Variants in COL19A1 observed in about 807,000 individuals in gnomAD.
COL19A1 encodes collagen alpha-1(XIX) chain.
A neutral mutation model predicts 190.2 loss-of-function variants in COL19A1; 159 were observed. The observed-to-expected ratio is 0.84, with a 90% confidence interval of 0.73 to 0.95. The LOEUF (loss-of-function observed/expected upper bound fraction) is 0.95. Ranked by LOEUF, COL19A1 falls within the 40% of genes least tolerant of loss-of-function variation. COL19A1 has a pLI of 0.00. For synonymous variants in COL19A1, 509 were observed against 458.9 expected (o/e 1.11, Z -1.39); for missense variants, 1,418 against 1,431.9 (o/e 0.99, Z 0.16).
intron 11 of COL19A1, among the ~76,000 whole-genome samples, chr6:70,010,230 A>C (rs1777903253): frequency 6.6e-6 from 1 of 152,216 alleles, no homozygotes; most frequent in Non-Finnish European, 1.5e-5. Context: ...TCCAATTTTT[A>C]AAATGAGTAT....
intron 9 of COL19A1, among the ~76,000 whole-genome samples, chr6:69,946,523 AT>A (rs1455617147): frequency 6.6e-6 from 1 of 151,954 alleles, no homozygotes; most frequent in East Asian, 1.9e-4. Flanking sequence ...GCACTTAGAT[AT>A]TTACGAATTA....
intron 2 of COL19A1, among the ~76,000 whole-genome samples, chr6:69,891,553 A>G (rs1769352481): frequency 6.6e-6 from 1 of 152,198 alleles, no homozygotes; most frequent in South Asian, 2.1e-4. Context: ...CGTGGGGTAC[A>G]TGAGGGAGAG....
chr6:70,181,221 G>A (rs1225470570), intron 44 of COL19A1, among the ~76,000 whole-genome samples: 1 of 152,166 alleles, frequency 6.6e-6, no homozygotes, highest in Non-Finnish European at 1.5e-5. Context: ...GAAAGAAGTC[G>A]AGGTGAACAA....
chr6:70,035,940 G>C lies in COL19A1; in HGVS notation c.1170+1G>C. 1 of 1,613,158 alleles carries C rather than the reference G, an allele frequency of 6.2e-7. No individual in the cohort carries two copies. The highest frequency in any genetic ancestry group is 8.5e-7 in the Non-Finnish European group (1 of 1,179,242). The stretch of plus-strand genomic sequence containing the variant: ...ACCCCCAGGACCACCAGCCTTACCT[G>C]TAAGTATTCTTGAAATCAAAATTCA... On this transcript the variant is annotated splice_donor_variant, in intron 14 of 50. Coordinates refer to ENST00000620364, the MANE Select transcript of COL19A1 (RefSeq NM_001858.6). LOFTEE classifies it high-confidence loss of function.
At chr6:69,898,223 C>A (rs1177368764) in intron 2 of COL19A1, among the ~76,000 whole-genome samples, 1 of 152,144 alleles carries the variant, frequency 6.6e-6, no homozygotes, top group Non-Finnish European at 1.5e-5. Context: ...TGGCACAATT[C>A]AAAAATTGGC....
intron 14 of COL19A1, among the ~76,000 whole-genome samples, chr6:70,053,457 A>G (rs1780321919): frequency 6.6e-6 from 1 of 152,198 alleles, no homozygotes; most frequent in Non-Finnish European, 1.5e-5. Flanking sequence ...TAGACTGGAA[A>G]GTGACACTGG....
intron 1 of COL19A1, among the ~76,000 whole-genome samples, chr6:69,872,785 ATGT>A (rs1027134172): frequency 6.6e-6 from 1 of 152,168 alleles, no homozygotes; most frequent in African/African-American, 2.4e-5. Flanking sequence ...GGCTCCATCA[ATGT>A]TGTCTACTCA....
rs1383742509 is a variant in COL19A1 at position 70,212,378 on chromosome 6, G to A, written c.*5104G>A. Among the ~76,000 whole-genome samples the A allele has an allele frequency of 5.3e-5, 8 of 152,162 alleles. No individual in the cohort carries two copies. Among genetic ancestry groups the A allele is most frequent in the African/African-American group, 1.9e-4 (8 of 41,446 alleles). ...ATTCAAAATCCCACATGGGCATAAT[G>A]CTTTGAGGCCTTGATTCCTACATGT... On this transcript the variant is annotated 3_prime_UTR_variant, in exon 51 of 51. Coordinates refer to ENST00000620364, the MANE Select transcript of COL19A1 (RefSeq NM_001858.6).
At chr6:69,989,441 A>C (rs965823648) in intron 11 of COL19A1, among the ~76,000 whole-genome samples, 3 of 152,120 alleles carry the variant, frequency 2.0e-5, no homozygotes, top group Non-Finnish European at 2.9e-5. Flanking sequence ...GTTCTAGAAT[A>C]ACGTCCCTCT....
chr6:70,206,031 C>A (rs978265092), intron 49 of COL19A1, among the ~76,000 whole-genome samples: 3 of 152,306 alleles, frequency 2.0e-5, no homozygotes, highest in Middle Eastern at 6.8e-3. Context: ...ATCATTTGAA[C>A]ACAGACCTGA....
intron 31 of COL19A1, 57 bp downstream of exon 31, chr6:70,151,495 A>G: frequency 1.3e-6 from 2 of 1,554,884 alleles, no homozygotes; most frequent in South Asian, 1.2e-5. Context: ...ATTAGAAAGA[A>G]AAATATTTAG....
chr6:69,942,947 C>G (rs1191235418), intron 9 of COL19A1, among the ~76,000 whole-genome samples: 1 of 151,988 alleles, frequency 6.6e-6, no homozygotes, highest in African/African-American at 2.4e-5. Flanking sequence ...CATGGTAGTT[C>G]CATTTTTAGT....
intron 15 of COL19A1, among the ~76,000 whole-genome samples, chr6:70,090,441 G>T (rs1189946079): frequency 6.6e-6 from 1 of 151,822 alleles, no homozygotes; most frequent in Non-Finnish European, 1.5e-5. Flanking sequence ...TATATGAGAG[G>T]GTGTGTGTAG....
chr6:70,080,801 T>A (rs958621770), intron 15 of COL19A1, among the ~76,000 whole-genome samples: 1 of 152,232 alleles, frequency 6.6e-6, no homozygotes. Context: ...GGGACTGGCT[T>A]ACCATATGAA....
rs151153446 is a variant in COL19A1 at position 69,929,516 on chromosome 6, G to A, written c.482G>A (p.Arg161Gln). 1,302 of 1,613,962 alleles carry A rather than the reference G, an allele frequency of 8.1e-4. 2 individuals are homozygous for A. Among genetic ancestry groups the A allele is most frequent in the Non-Finnish European group, 9.2e-4 (1,087 of 1,179,952 alleles). The change falls in exon 6 of 51, where the codon CGA becomes CAA. Residue 161 changes from arginine to glutamine, a missense_variant. Physicochemically the swap from Arg to Gln is conservative, Grantham distance 43. Transcript: ENST00000620364. ...GDVLNYIFRNRELRPLFDRQW... is the reference protein window; with the variant it reads ...GDVLNYIFRNQELRPLFDRQW... Reference sequence around the variant, plus strand: ...GTGTTGAACTACATTTTTAGAAATCGAGAACTCCGTCCTTTGTTTGATCGT... The same window carrying A: ...GTGTTGAACTACATTTTTAGAAATCAAGAACTCCGTCCTTTGTTTGATCGT...
intron 4 of COL19A1, among the ~76,000 whole-genome samples, chr6:69,901,887 T>A (rs1228346994): frequency 3.3e-5 from 5 of 152,250 alleles, no homozygotes; most frequent in African/African-American, 1.2e-4. Context: ...AAGACTTAGC[T>A]AATTTTACGT....
At position 70,187,813 on chromosome 6, in the gene COL19A1, A is replaced by T. The variant is rs58701153; in HGVS notation, c.2857-262A>T. On this transcript the variant is annotated intron_variant, in intron 46 of 50. Coordinates refer to ENST00000620364, the MANE Select transcript of COL19A1 (RefSeq NM_001858.6). The stretch of plus-strand genomic sequence containing the variant: ...ACACCTAACATTCTCTCTATCTTTT[A>T]TGTATTAAGTACTGCCAAGGTGCCA... Among the ~76,000 whole-genome samples, 42,356 of 151,746 alleles carry T rather than the reference A, an allele frequency of 0.28. 6,152 individuals are homozygous for T. The highest frequency in any genetic ancestry group is 0.32 in the Non-Finnish European group (21,544 of 67,912).
At chr6:70,074,798 GA>G (rs1562146603) in intron 15 of COL19A1, among the ~76,000 whole-genome samples, 44 of 152,076 alleles carry the variant, frequency 2.9e-4, no homozygotes, top group African/African-American at 1.0e-3. Flanking sequence ...TGTCAAAACT[GA>G]CAATGACCTT....
At chr6:70,078,943 T>C (rs1420414425) in intron 15 of COL19A1, among the ~76,000 whole-genome samples, 1 of 152,120 alleles carries the variant, frequency 6.6e-6, no homozygotes, top group Admixed American at 6.5e-5. Context: ...GGTGTGCACC[T>C]CTAATCTCAG....
Sources: gnomAD v4.1 joint callset for allele counts (sites outside exome capture counted in the v4.1 genomes callset) on GRCh38, gnomAD v4.1.1 for gene constraint, MANE v1.5 for transcripts, NCBI Gene and HGNC (gene_info 2026-07-23, HGNC 2026-07-21) for gene names.